Variants in GALNT13 observed in about 807,000 individuals in gnomAD.
The protein encoded by GALNT13 is UDP-GalNAc:polypeptide N-acetylgalactosaminyltransferase 13.
A neutral mutation model predicts 64.2 loss-of-function variants in GALNT13; 28 were observed. The ratio of observed to expected loss-of-function variants is 0.44; its 90% CI spans 0.32 to 0.60. The LOEUF is 0.60. Among genes scored for constraint, GALNT13 ranks in the 20% least tolerant of loss-of-function variants. The pLI is 0.05. For synonymous variants in GALNT13, 214 were observed against 224.6 expected (o/e 0.95, Z 0.42); for missense variants, 577 against 669.8 (o/e 0.86, Z 1.53).
chr2:153,473,023 AG>A, the GALNT13 span, among the ~76,000 whole-genome samples: 3 of 152,052 alleles, frequency 2.0e-5, no homozygotes, highest in South Asian at 6.2e-4. Flanking sequence ...ATCACACACC[AG>A]GGCTTGTCGG....
chr2:153,272,964 T>G, the GALNT13 span, among the ~76,000 whole-genome samples: 2 of 152,136 alleles, frequency 1.3e-5, no homozygotes, highest in Non-Finnish European at 2.9e-5. Context: ...ATGTCCTTTG[T>G]AGGGACATGG....
intron 3 of GALNT13, among the ~76,000 whole-genome samples, chr2:153,961,756 G>A (rs1692959854): frequency 6.6e-6 from 1 of 152,130 alleles, no homozygotes; most frequent in South Asian, 2.1e-4. Flanking sequence ...ATTGATTAGA[G>A]AGTGGGTAAC....
chr2:154,226,113 TG>T, intron 4 of GALNT13, among the ~76,000 whole-genome samples: 1 of 152,000 alleles, frequency 6.6e-6, no homozygotes, highest in East Asian at 1.9e-4. Flanking sequence ...TGGCTAGCCT[TG>T]GGGGAGAATG....
At chr2:153,236,049 G>C in the GALNT13 span, among the ~76,000 whole-genome samples, 1 of 152,072 alleles carries the variant, frequency 6.6e-6, no homozygotes, top group African/African-American at 2.4e-5. Context: ...GGAAGTTTTG[G>C]TGGTCTGGAC....
intron 3 of GALNT13, among the ~76,000 whole-genome samples, chr2:154,028,144 T>C (rs1698099033): frequency 6.6e-6 from 1 of 152,144 alleles, no homozygotes; most frequent in Admixed American, 6.6e-5. Context: ...GATAGTGATA[T>C]GAACTAAAGG....
chr2:153,327,926 A>C, the GALNT13 span, among the ~76,000 whole-genome samples: 1 of 151,944 alleles, frequency 6.6e-6, no homozygotes, highest in Non-Finnish European at 1.5e-5. Flanking sequence ...TCTCATCTTC[A>C]TGGATTTATC....
At chr2:153,780,577 C>A in the GALNT13 span, among the ~76,000 whole-genome samples, 1 of 152,024 alleles carries the variant, frequency 6.6e-6, no homozygotes, top group African/African-American at 2.4e-5. Context: ...GCTCTGTCTA[C>A]CCATATCTTC....
chr2:154,079,010 A>T (rs895480306), intron 3 of GALNT13, among the ~76,000 whole-genome samples: 1 of 151,692 alleles, frequency 6.6e-6, no homozygotes, highest in Non-Finnish European at 1.5e-5. Flanking sequence ...AGCTATTATC[A>T]TTTCAAGATA....
chr2:154,069,394 T>C (rs900723214), intron 3 of GALNT13, among the ~76,000 whole-genome samples: 1 of 151,906 alleles, frequency 6.6e-6, no homozygotes, highest in African/African-American at 2.4e-5. Flanking sequence ...AAATGCTATT[T>C]ATAATAGCAT....
chr2:153,259,541 C>T, the GALNT13 span, among the ~76,000 whole-genome samples: 224 of 152,024 alleles, frequency 1.5e-3, 2 homozygotes, highest in Non-Finnish European at 1.6e-3. Context: ...ATGGGAGAGA[C>T]CTAGTGGGAG....
At chr2:153,489,753 A>T in the GALNT13 span, among the ~76,000 whole-genome samples, 2 of 152,194 alleles carry the variant, frequency 1.3e-5, no homozygotes, top group Admixed American at 6.5e-5. Context: ...GTTCCTAGGA[A>T]CTATTGGTTC....
At chr2:153,489,842 A>G in the GALNT13 span, among the ~76,000 whole-genome samples, 1 of 152,186 alleles carries the variant, frequency 6.6e-6, no homozygotes, top group Admixed American at 6.5e-5. Flanking sequence ...ATTTCTTAGC[A>G]TGCATAGTTA....
the GALNT13 span, among the ~76,000 whole-genome samples, chr2:153,814,398 C>T: frequency 2.0e-5 from 3 of 152,054 alleles, no homozygotes; most frequent in East Asian, 5.8e-4. Flanking sequence ...CGAGATAGCG[C>T]CACTGCACTC....
At chr2:154,273,080 G>A (rs1001252588) in intron 8 of GALNT13, among the ~76,000 whole-genome samples, 3 of 152,092 alleles carry the variant, frequency 2.0e-5, no homozygotes, top group Non-Finnish European at 4.4e-5. Context: ...TAGAACTTAT[G>A]CTAGAGGGAG....
the GALNT13 span, among the ~76,000 whole-genome samples, chr2:153,270,506 T>A: frequency 6.6e-6 from 1 of 152,200 alleles, no homozygotes; most frequent in Non-Finnish European, 1.5e-5. Flanking sequence ...CTATATGTAG[T>A]GTCTATCTCT....
the GALNT13 span, among the ~76,000 whole-genome samples, chr2:153,861,559 C>CTTTTTTTTTT: frequency 2.1e-4 from 25 of 118,200 alleles, no homozygotes; most frequent in African/African-American, 7.9e-4. Context: ...TTCTTTCTTT[C>CTTTTTTTTTT]TTTTTTTTTT....
At chr2:153,363,929 C>A in the GALNT13 span, among the ~76,000 whole-genome samples, 1 of 151,986 alleles carries the variant, frequency 6.6e-6, no homozygotes, top group East Asian at 1.9e-4. Flanking sequence ...GGCAGAGACA[C>A]AACAAAAAAA....
chr2:153,257,644 C>G, the GALNT13 span, among the ~76,000 whole-genome samples: 1 of 152,106 alleles, frequency 6.6e-6, no homozygotes, highest in East Asian at 1.9e-4. Flanking sequence ...CTTTTTTGAG[C>G]TATTGGCAGC....
the GALNT13 span, among the ~76,000 whole-genome samples, chr2:153,513,412 A>T: frequency 6.6e-6 from 1 of 152,140 alleles, no homozygotes; most frequent in East Asian, 1.9e-4. Flanking sequence ...TCAGACTCAA[A>T]CTTGTGCTGT....
Sources: allele counts gnomAD v4.1 joint callset (sites outside exome capture counted in the v4.1 genomes callset), GRCh38; gene constraint gnomAD v4.1.1; transcripts MANE v1.5; gene names NCBI Gene and HGNC (gene_info 2026-07-23, HGNC 2026-07-21).